The following CYFIP2 variants were observed in gnomAD, a reference collection of about 807,000 sequenced individuals.
The protein encoded by CYFIP2 is cytoplasmic FMR1-interacting protein 2.
Under a neutral mutation model 158.7 loss-of-function variants are expected in CYFIP2, and 29 were observed. That is an observed-to-expected ratio of 0.18 (90% CI 0.14 to 0.25). The LOEUF is 0.25. Among genes scored for constraint, CYFIP2 ranks in the 10% least tolerant of loss-of-function variants. The pLI is 1.00. For synonymous variants in CYFIP2, 585 were observed against 617.6 expected (o/e 0.95, Z 0.78); for missense variants, 852 against 1,639.5 (o/e 0.52, Z 8.29).
chr5:157,335,694 G>A (rs1761802556), intron 21 of CYFIP2, among the ~76,000 whole-genome samples: 1 of 152,196 alleles, frequency 6.6e-6, no homozygotes, highest in Non-Finnish European at 1.5e-5. Flanking sequence ...TACTCCAGGA[G>A]ACTGTAGTAC....
rs1026182000 is a variant in CYFIP2 at position 157,311,769 on chromosome 5, C to T, written c.1098C>T (p.Tyr366=). 1 of 1,596,680 alleles carries T rather than the reference C, an allele frequency of 6.3e-7. No individual in the cohort carries two copies. Among genetic ancestry groups the T allele is most frequent in the Admixed American group, 1.8e-5 (1 of 57,092 alleles). Reference sequence around the variant, plus strand: ...GCTTCATCTCCGAGCTCGCTCGCTACAGCAACAGTGAGGTGAGCATGCAGG... The same window carrying T: ...GCTTCATCTCCGAGCTCGCTCGCTATAGCAACAGTGAGGTGAGCATGCAGG... ...HIRFISELAR[Y]SNSEVVTGSG... is the part of the protein sequence containing the mutation. The change falls in exon 11 of 31, where the codon TAC becomes TAT. Residue 366 remains tyrosine (Y), a synonymous_variant. Transcript: ENST00000620254. The surrounding 1 kb of genome is among the most constrained non-coding windows in gnomAD (Gnocchi z 4.7).
chr5:157,393,869 G>A lies in CYFIP2; in HGVS notation c.*869G>A, dbSNP rs1460263702. The A allele has an allele frequency of 6.6e-6, 1 of 152,088 alleles. No homozygotes were observed. Among genetic ancestry groups the A allele is most frequent in the African/African-American group, 2.4e-5 (1 of 41,400 alleles). The allele number at this position is 152,088 out of a possible 1,614,324, so 9.4% of individuals were successfully genotyped here. On this transcript the variant is annotated 3_prime_UTR_variant, in exon 31 of 31. Transcript: ENST00000620254. The stretch of plus-strand genomic sequence containing the variant: ...ATAGCATTAGCCAGTGACCAAATTA[G>A]GGACAACGTCTTGGCACAGAATTGC...
At chr5:157,297,061 G>T (rs1426224723) in intron 5 of CYFIP2, among the ~76,000 whole-genome samples, 1 of 152,184 alleles carries the variant, frequency 6.6e-6, no homozygotes, top group South Asian at 2.1e-4. Flanking sequence ...ATAACATTTT[G>T]AAAAATTCTG....
chr5:157,323,563 A>G (rs1760778292), intron 15 of CYFIP2, among the ~76,000 whole-genome samples: 3 of 152,340 alleles, frequency 2.0e-5, no homozygotes, highest in Admixed American at 6.5e-5. Flanking sequence ...TTTGACTCCC[A>G]GTCCAGTGCT....
chr5:157,364,207 G>GGT (rs1764143725), intron 26 of CYFIP2: 1 of 145,264 alleles, frequency 6.9e-6, no homozygotes, highest in African/African-American at 2.6e-5. Context: ...GGGGTGGCGG[G>GGT]GGGGGGTGGG....
intron 10 of CYFIP2, among the ~76,000 whole-genome samples, 174 bp downstream of exon 10, chr5:157,310,008 T>G (rs559860734): frequency 1.3e-5 from 2 of 152,112 alleles, no homozygotes; most frequent in Non-Finnish European, 2.9e-5. Flanking sequence ...CCCTTTTGTA[T>G]CCGCCCTCTG....
At chr5:157,282,817 T>A (rs967538003) in intron 1 of CYFIP2, among the ~76,000 whole-genome samples, 1 of 152,214 alleles carries the variant, frequency 6.6e-6, no homozygotes, top group Non-Finnish European at 1.5e-5. Context: ...AAATGGTGTA[T>A]CTCCTTGTAA....
intron 28 of CYFIP2, among the ~76,000 whole-genome samples, chr5:157,388,019 G>C (rs1766872213): frequency 1.3e-5 from 2 of 152,164 alleles, no homozygotes; most frequent in Non-Finnish European, 2.9e-5. Flanking sequence ...TCCGGGGTAG[G>C]TCAGGCAGGT....
intron 9 of CYFIP2, among the ~76,000 whole-genome samples, chr5:157,309,389 A>G (rs1032146428): frequency 6.6e-6 from 1 of 152,220 alleles, no homozygotes; most frequent in Non-Finnish European, 1.5e-5. Context: ...TCATAACAGC[A>G]AGGATGCTTT....
chr5:157,296,906 C>A, intron 5 of CYFIP2, 132 bp downstream of exon 5: 1 of 632,322 alleles, frequency 1.6e-6, no homozygotes, highest in Non-Finnish European at 2.7e-6. Flanking sequence ...CCCTACACAT[C>A]CCTGGGTGAG....
chr5:157,313,531 A>G (rs567408835), intron 11 of CYFIP2, among the ~76,000 whole-genome samples: 133 of 152,336 alleles, frequency 8.7e-4, no homozygotes, highest in African/African-American at 3.0e-3. Flanking sequence ...TGTTTACTGT[A>G]TGAGAGCTGA....
chr5:157,373,366 G>T (rs6887534), intron 26 of CYFIP2, among the ~76,000 whole-genome samples: 60,325 of 151,948 alleles, frequency 0.4, 12,748 homozygotes, highest in African/African-American at 0.54. Context: ...TAATTCAAGG[G>T]CACCAAGAAC....
chr5:157,328,406 T>A (rs1761194682), intron 19 of CYFIP2, among the ~76,000 whole-genome samples: 1 of 152,214 alleles, frequency 6.6e-6, no homozygotes, highest in Non-Finnish European at 1.5e-5. Flanking sequence ...TCTGAGTTCT[T>A]ATCTGAAGTT....
chr5:157,304,272 A>G lies in CYFIP2; in HGVS notation c.701A>G (p.Tyr234Cys). ...LHQQLEVIPG[Y>C]EELLADIVNI... ...CAGCAACTTGAAGTGATCCCAGGCT[A>G]TGAGGAGCTGCTGGCTGACATTGTC... The change falls in exon 8 of 31, where the codon TAT (tyrosine) becomes TGT (cysteine). Residue 234 changes from tyrosine to cysteine, a missense_variant. Physicochemically the swap from Tyr to Cys is radical, Grantham distance 194. Around this residue, in one of 8 missense-constraint regions of CYFIP2, gnomAD observed 123 missense variants for 316.7 expected, o/e 0.39. Coordinates refer to ENST00000620254, the MANE Select transcript of CYFIP2 (RefSeq NM_001037333.3). The G allele has an allele frequency of 1.9e-6, 3 of 1,613,614 alleles. No individual in the cohort carries two copies. Among genetic ancestry groups the G allele is most frequent in the Non-Finnish European group, 1.7e-6 (2 of 1,179,882 alleles).
chr5:157,300,932 C>T (rs1177615741), intron 6 of CYFIP2, 36 bp downstream of exon 6: 3 of 1,498,312 alleles, frequency 2.0e-6, no homozygotes, highest in Non-Finnish European at 2.7e-6. Flanking sequence ...TTTCCCCATC[C>T]AGGCCCCTCC....
chr5:157,364,832 A>G (rs527559186), intron 26 of CYFIP2: 15 of 149,548 alleles, frequency 1.0e-4, no homozygotes, highest in African/African-American at 3.7e-4. Context: ...CTAATTGCCA[A>G]AAAAAAAAAG....
chr5:157,288,896 C>T (rs1757605731), intron 3 of CYFIP2, among the ~76,000 whole-genome samples: 1 of 152,166 alleles, frequency 6.6e-6, no homozygotes, highest in African/African-American at 2.4e-5. Context: ...TTGAGAGAGT[C>T]AGAGAAAGCT....
chr5:157,333,526 A>G lies in CYFIP2; in HGVS notation c.2385+80A>G, dbSNP rs1761636277. On this transcript the variant is annotated intron_variant, in intron 21 of 30. Coordinates refer to ENST00000620254, the MANE Select transcript of CYFIP2 (RefSeq NM_001037333.3). ...CCTAGATGGGGACTGTAGTTAGTCT[A>G]GTGCTGGGCCAGTTAAAGAGGGGCA... 4.4e-6 allele frequency: 7 copies of G among 1,593,098 alleles called. 1 individual carries two copies. In the South Asian group the frequency reaches 7.8e-5, roughly 18 times the overall value.
intron 5 of CYFIP2, among the ~76,000 whole-genome samples, chr5:157,297,927 T>C (rs1214904621): frequency 6.6e-6 from 1 of 152,260 alleles, no homozygotes; most frequent in South Asian, 2.1e-4. Flanking sequence ...GGCTGTCATA[T>C]TGGACAGTGC....
Sources: allele counts gnomAD v4.1 joint callset (sites outside exome capture counted in the v4.1 genomes callset), GRCh38; gene constraint gnomAD v4.1.1; regional missense constraint gnomAD v4.1.1; non-coding constraint Gnocchi (gnomAD v3.1); transcripts MANE v1.5; gene names NCBI Gene and HGNC (gene_info 2026-07-23, HGNC 2026-07-21).